Variants in SHANK2 observed in about 807,000 individuals in gnomAD.
SHANK2 encodes the protein SH3 and multiple ankyrin repeat domains protein 2.
A neutral mutation model predicts 133.7 loss-of-function variants in SHANK2; 43 were observed. That is an observed-to-expected ratio of 0.32 (90% confidence interval 0.25 to 0.41). The LOEUF is 0.41. Ranked by LOEUF, SHANK2 falls within the 10% of genes least tolerant of loss-of-function variation. The pLI is 1.00. For synonymous variants in SHANK2, 1,017 were observed against 952.8 expected (o/e 1.07, Z -1.24); for missense variants, 1,994 against 2,235.8 (o/e 0.89, Z 2.18).
intron 25 of SHANK2, chr11:70,474,008 C>G: frequency 5.1e-6 from 1 of 194,800 alleles, no homozygotes; most frequent in African/African-American, 2.3e-5. Flanking sequence ...AAGAGCAGGG[C>G]AGGATCCTTC....
chr11:71,239,538 C>A (rs1954863303), intron 1 of SHANK2, among the ~76,000 whole-genome samples: 1 of 152,168 alleles, frequency 6.6e-6, no homozygotes, highest in Non-Finnish European at 1.5e-5. Flanking sequence ...CAGCTCACAG[C>A]AGCCTCGACC....
intron 15 of SHANK2, 31 bp downstream of exon 15, chr11:70,698,657 G>A (rs1306632917): frequency 1.3e-5 from 9 of 718,446 alleles, no homozygotes; most frequent in Non-Finnish European, 2.1e-5. Context: ...TTTGACCAGA[G>A]GGTCCTGGAA....
Position 71,119,022 on chromosome 11 carries a change from C to G in SHANK2, c.218G>C (p.Arg73Pro), listed in dbSNP as rs1555100977. The G allele has an allele frequency of 4.5e-6, 7 of 1,551,628 alleles. No homozygotes were observed. The highest frequency in any genetic ancestry group is 2.0e-5 in the Admixed American group (1 of 51,004). The change falls in exon 4 of 26, where the codon CGA becomes CCA. Residue 73 changes from arginine (R) to proline (P), a missense_variant. Transcript: ENST00000601538. Reference protein sequence around the residue: ...IHDLQQTKCIRFNPDATVWVA... With the variant: ...IHDLQQTKCIPFNPDATVWVA... ...CCACACTGTGGCATCCGGGTTAAAT[C>G]GAATGCATTTCTGCCAGGAAGGACA...
intron 17 of SHANK2, among the ~76,000 whole-genome samples, chr11:70,527,597 G>T (rs1403118471): frequency 6.6e-6 from 1 of 152,208 alleles, no homozygotes; most frequent in Non-Finnish European, 1.5e-5. Flanking sequence ...GCCAGCTCGG[G>T]TCTGAGAGGC....
chr11:70,873,790 C>T (rs948624974), intron 11 of SHANK2, among the ~76,000 whole-genome samples: 29 of 151,596 alleles, frequency 1.9e-4, no homozygotes, highest in African/African-American at 7.0e-4. Flanking sequence ...TTGTTTACAA[C>T]GATCTCATGG....
At chr11:71,190,483 C>A (rs3934693) in intron 2 of SHANK2, among the ~76,000 whole-genome samples, 4,941 of 152,234 alleles carry the variant, frequency 0.032, 251 homozygotes, top group Admixed American at 0.15. Context: ...ACGTCTATAC[C>A]ACTTCTCAGA....
chr11:70,776,384 C>A (rs782411440), intron 14 of SHANK2, among the ~76,000 whole-genome samples: 24 of 152,310 alleles, frequency 1.6e-4, no homozygotes, highest in Middle Eastern at 3.4e-3. Context: ...TCTAAGGCCA[C>A]AGTGCATCTG....
chr11:70,552,713 C>T (rs782466311), intron 17 of SHANK2, among the ~76,000 whole-genome samples: 9 of 152,272 alleles, frequency 5.9e-5, no homozygotes, highest in Middle Eastern at 3.4e-3. Flanking sequence ...GTGACGGACA[C>T]AGCCTGGGGT....
chr11:70,718,716 A>G (rs1565266756), intron 14 of SHANK2, among the ~76,000 whole-genome samples: 1 of 47,384 alleles, frequency 2.1e-5, no homozygotes, highest in African/African-American at 3.2e-4. Context: ...TTTTTTTTGA[A>G]TTGCTGGCCT....
At chr11:70,677,599 A>G (rs980558871) in intron 15 of SHANK2, among the ~76,000 whole-genome samples, 12 of 151,996 alleles carry the variant, frequency 7.9e-5, no homozygotes, top group Non-Finnish European at 1.3e-4. Context: ...CATTGCACCC[A>G]CCCAAGGAAG....
At chr11:71,064,352 G>A (rs1396577274) in intron 9 of SHANK2, among the ~76,000 whole-genome samples, 1 of 152,182 alleles carries the variant, frequency 6.6e-6, no homozygotes, top group African/African-American at 2.4e-5. Flanking sequence ...GGACAGCTGG[G>A]CGGAGGCAGA....
At chr11:70,694,331 G>A (rs1172751638) in intron 15 of SHANK2, among the ~76,000 whole-genome samples, 1 of 152,230 alleles carries the variant, frequency 6.6e-6, no homozygotes, top group Non-Finnish European at 1.5e-5. Flanking sequence ...TAATGAATTG[G>A]TGTGTTTCAA....
chr11:70,738,266 C>G (rs1247808595), intron 14 of SHANK2, among the ~76,000 whole-genome samples: 1 of 152,258 alleles, frequency 6.6e-6, no homozygotes, highest in Non-Finnish European at 1.5e-5. Context: ...TCCGAGGAAA[C>G]CGCGTCTGGC....
At chr11:71,210,125 G>A (rs2135680747) in intron 2 of SHANK2, among the ~76,000 whole-genome samples, 1 of 147,428 alleles carries the variant, frequency 6.8e-6, no homozygotes, top group South Asian at 2.2e-4. Context: ...GGGTCTCCAG[G>A]GGCTGCAAAA....
In SHANK2 at chr11:70,526,178, C is replaced by T. The variant is rs2059393808; in HGVS notation, c.2062-23247G>A. ...ACCTAAGAATAAGGTGGATTCTGGC[C>T]GCCACAAGGCTTTTCTGATTCTCTA... On this transcript the variant is annotated intron_variant, in intron 17 of 25. Coordinates refer to ENST00000601538, the MANE Select transcript of SHANK2 (RefSeq NM_012309.5). 3.3e-5 allele frequency among the ~76,000 whole-genome samples: 5 copies of T among 152,154 alleles called. No individual in the cohort carries two copies. In the South Asian group the frequency reaches 6.2e-4, roughly 19 times the overall value.
intron 12 of SHANK2, among the ~76,000 whole-genome samples, chr11:70,818,676 A>G (rs3017492): frequency 0.45 from 68,767 of 152,152 alleles, 16,777 homozygotes; most frequent in African/African-American, 0.64. Flanking sequence ...CTAGACCAGA[A>G]GCAGCTGGAC....
chr11:71,130,788 C>T (rs1162700015), intron 3 of SHANK2, among the ~76,000 whole-genome samples: 1 of 151,930 alleles, frequency 6.6e-6, no homozygotes, highest in African/African-American at 2.4e-5. Context: ...AGGTCGTGGC[C>T]CCACAGGGAT....
chr11:70,640,288 A>T (rs1555005863), intron 17 of SHANK2, among the ~76,000 whole-genome samples: 1 of 152,202 alleles, frequency 6.6e-6, no homozygotes, highest in African/African-American at 2.4e-5. Context: ...AGAGAGAGGC[A>T]GGGGGAGATT....
intron 2 of SHANK2, among the ~76,000 whole-genome samples, chr11:71,210,380 C>T (rs1954248351): frequency 6.6e-6 from 1 of 150,760 alleles, no homozygotes; most frequent in Non-Finnish European, 1.5e-5. Context: ...TCCCGAGTAG[C>T]TGGGACTACA....
Sources: allele counts gnomAD v4.1 joint callset (sites outside exome capture counted in the v4.1 genomes callset), GRCh38; gene constraint gnomAD v4.1.1; transcripts MANE v1.5; gene names NCBI Gene and HGNC (gene_info 2026-07-23, HGNC 2026-07-21).